Variants in CADPS observed in about 807,000 individuals in gnomAD.
CADPS encodes the protein calcium dependent secretion activator.
CADPS carries 57 observed loss-of-function variants against 167.3 expected under a neutral mutation model. The observed-to-expected ratio is 0.34, with a 90% CI of 0.28 to 0.42. The LOEUF (loss-of-function observed/expected upper bound fraction) is 0.42, where lower values mean the gene tolerates loss of function less well. Among genes scored for constraint, CADPS ranks in the 20% least tolerant of loss-of-function variants. CADPS has a pLI of 1.00. For missense variants in CADPS, 1,414 were observed against 1,738.1 expected (o/e 0.81, Z 3.32); for synonymous variants, 676 against 635.3 (o/e 1.06, Z -0.96).
rs1215162212 is a variant in CADPS at position 62,601,622 on chromosome 3, G to A, written c.1326-8874C>T. 2.6e-5 allele frequency among the ~76,000 whole-genome samples: 4 copies of A among 152,244 alleles called. No individual in the cohort carries two copies. The East Asian group carries it at 7.7e-4, about 29-fold the overall frequency. On this transcript the variant is annotated intron_variant, in intron 6 of 29. Transcript: ENST00000383710. The surrounding 1 kb of genome is among the most constrained non-coding windows in gnomAD (Gnocchi z 4.3). ...ACTCTTAGTTTATTAGAAAATTGGG[G>A]CTTGTGTATCATAGCATTTCAGACA...
chr3:62,556,211 T>G (rs1400007595), intron 10 of CADPS, among the ~76,000 whole-genome samples: 1 of 152,234 alleles, frequency 6.6e-6, no homozygotes, highest in African/African-American at 2.4e-5. Flanking sequence ...TGTTTCAAAC[T>G]CGTTGGTTCT....
chr3:62,627,761 T>C (rs1404743606), intron 6 of CADPS, among the ~76,000 whole-genome samples: 1 of 152,156 alleles, frequency 6.6e-6, no homozygotes, highest in Non-Finnish European at 1.5e-5. Flanking sequence ...TCATGCTCGC[T>C]CGAGTCTGCC....
At chr3:62,745,045 C>G (rs1014456705) in intron 3 of CADPS, among the ~76,000 whole-genome samples, 1 of 152,102 alleles carries the variant, frequency 6.6e-6, no homozygotes, top group Admixed American at 6.5e-5. Context: ...TCTTTAATGC[C>G]TCTAAATTTG....
chr3:62,577,790 C>T (rs1350542353), intron 8 of CADPS, among the ~76,000 whole-genome samples: 1 of 152,156 alleles, frequency 6.6e-6, no homozygotes, highest in Non-Finnish European at 1.5e-5. Flanking sequence ...AGAAACTTGC[C>T]TACAGCTAGT....
intron 23 of CADPS, among the ~76,000 whole-genome samples, chr3:62,477,270 C>A (rs185861581): frequency 6.6e-6 from 1 of 151,288 alleles, no homozygotes; most frequent in African/African-American, 2.4e-5. Context: ...CCAAGCTACA[C>A]AACATCTGGA....
chr3:62,768,864 G>C (rs1426091667), intron 1 of CADPS, among the ~76,000 whole-genome samples: 1 of 152,130 alleles, frequency 6.6e-6, no homozygotes, highest in African/African-American at 2.4e-5. Context: ...ACACCGCAAA[G>C]CCACACAAAG....
At chr3:62,692,260 C>T (rs1416267351) in intron 3 of CADPS, among the ~76,000 whole-genome samples, 2 of 149,718 alleles carry the variant, frequency 1.3e-5, no homozygotes, top group Middle Eastern at 3.2e-3. Context: ...GGATGAAGTG[C>T]CAGTCCCTGC....
At chr3:62,530,050 A>G (rs2073299821) in intron 13 of CADPS, among the ~76,000 whole-genome samples, 1 of 152,198 alleles carries the variant, frequency 6.6e-6, no homozygotes, top group African/African-American at 2.4e-5. Context: ...AGGACAGGAT[A>G]AACAAAATTT....
rs979168937 is a variant in CADPS, at chr3:62,573,766, A to G, written c.1578-2828T>C. Among the ~76,000 whole-genome samples the G allele has an allele frequency of 2.0e-5, 3 of 152,178 alleles. No individual in the cohort carries two copies. The South Asian group carries it at 6.2e-4, about 32-fold the overall frequency. ...TGTAGATAATTCTGCTGTTACAGTTATCACACAGCTTTAATTTATTTGTGG... is the reference window on the plus strand; with the variant it reads ...TGTAGATAATTCTGCTGTTACAGTTGTCACACAGCTTTAATTTATTTGTGG... On this transcript the variant is annotated intron_variant, in intron 8 of 29. Transcript: ENST00000383710.
In CADPS at chr3:62,541,133, T is replaced by A. The variant is rs577335933; in HGVS notation, c.1967-4552A>T. ...GGGAGATGCATCCTAATGCTCTTTT[T>A]CATTAACCGTATTTTTCTAGAAATC... On this transcript the variant is annotated intron_variant, in intron 11 of 29. Coordinates refer to ENST00000383710, the MANE Select transcript of CADPS (RefSeq NM_003716.4). 7.2e-5 allele frequency among the ~76,000 whole-genome samples: 11 copies of A among 152,292 alleles called. No individual in the cohort carries two copies. In the East Asian group the frequency reaches 2.1e-3, roughly 29 times the overall value.
intron 6 of CADPS, among the ~76,000 whole-genome samples, chr3:62,642,640 G>A (rs567581884): frequency 1.3e-5 from 2 of 152,316 alleles, no homozygotes; most frequent in East Asian, 3.9e-4. Context: ...AGGTGCAGTG[G>A]CCCATGCCTG....
intron 21 of CADPS, among the ~76,000 whole-genome samples, chr3:62,486,509 T>C (rs1039223708): frequency 6.9e-6 from 1 of 145,932 alleles, no homozygotes; most frequent in Admixed American, 6.7e-5. Context: ...CATTAAAAAA[T>C]ACTTTTTATA....
intron 7 of CADPS, among the ~76,000 whole-genome samples, chr3:62,591,321 G>C (rs1388015530): frequency 6.6e-6 from 1 of 152,204 alleles, no homozygotes; most frequent in Non-Finnish European, 1.5e-5. Flanking sequence ...GATCACTTTA[G>C]TAGTATATGT....
chr3:62,872,875 T>C (rs926613245), intron 1 of CADPS, among the ~76,000 whole-genome samples: 1 of 152,230 alleles, frequency 6.6e-6, no homozygotes, highest in Non-Finnish European at 1.5e-5. Flanking sequence ...GGAATATTTT[T>C]GGCTGGTGCT....
chr3:62,515,569 A>G (rs2068772679), intron 16 of CADPS, among the ~76,000 whole-genome samples: 1 of 152,094 alleles, frequency 6.6e-6, no homozygotes, highest in Non-Finnish European at 1.5e-5. Flanking sequence ...CTAACCTGCC[A>G]TCGAGCTTGA....
chr3:62,734,432 G>A (rs755277040), intron 3 of CADPS, among the ~76,000 whole-genome samples: 3 of 152,130 alleles, frequency 2.0e-5, no homozygotes, highest in Non-Finnish European at 4.4e-5. Context: ...GCTCCCTGGT[G>A]TACTTTTAAA....
chr3:62,556,447 G>C (rs1051283841), intron 10 of CADPS, among the ~76,000 whole-genome samples: 1 of 152,100 alleles, frequency 6.6e-6, no homozygotes, highest in Non-Finnish European at 1.5e-5. Context: ...CTCAAACTCT[G>C]TTTTTCTTTT....
chr3:62,471,542 T>A (rs2060620567), intron 24 of CADPS, among the ~76,000 whole-genome samples: 1 of 152,082 alleles, frequency 6.6e-6, no homozygotes, highest in Non-Finnish European at 1.5e-5. Flanking sequence ...ACAGCCCAGA[T>A]CAAAGTGACT....
At chr3:62,417,102 G>T (rs2050213034) in intron 28 of CADPS, among the ~76,000 whole-genome samples, 4 of 152,050 alleles carry the variant, frequency 2.6e-5, no homozygotes. Flanking sequence ...GAATGTATAT[G>T]TGAATACATG....
Sources: gnomAD v4.1 joint callset for allele counts (sites outside exome capture counted in the v4.1 genomes callset) on GRCh38, gnomAD v4.1.1 for gene constraint, Gnocchi (gnomAD v3.1) non-coding constraint, MANE v1.5 for transcripts, NCBI Gene and HGNC (gene_info 2026-07-23, HGNC 2026-07-21) for gene names.